C8orf34: variants seen among roughly 807,000 people sequenced by gnomAD.
C8orf34 encodes the protein uncharacterized protein C8orf34.
In C8orf34, 65 loss-of-function variants were observed where a neutral mutation model predicts 68.3. That is an observed-to-expected ratio of 0.95 (90% CI 0.78 to 1.17). C8orf34 has a LOEUF of 1.17. Among genes scored for constraint, C8orf34 ranks in the 50% most tolerant of loss-of-function variants. The pLI is 0.00. For missense variants in C8orf34, 664 were observed against 655.4 expected (o/e 1.01, Z -0.14); for synonymous variants, 244 against 241.2 (o/e 1.01, Z -0.11).
intron 7 of C8orf34, among the ~76,000 whole-genome samples, chr8:68,603,990 T>A (rs1484954594): frequency 6.6e-6 from 1 of 152,162 alleles, no homozygotes; most frequent in Admixed American, 6.6e-5. Context: ...GATTAAGATA[T>A]AATTTATGAG....
chr8:68,361,380 G>A (rs751227403), intron 1 of C8orf34, among the ~76,000 whole-genome samples: 8 of 152,114 alleles, frequency 5.3e-5, no homozygotes, highest in Admixed American at 1.3e-4. Context: ...CTGTAACCTC[G>A]GAGGAGGCAG....
chr8:68,785,229 T>G lies in C8orf34; in HGVS notation c.1456-2214T>G, dbSNP rs560999642. On this transcript the variant is annotated intron_variant, in intron 11 of 13. Transcript: ENST00000518698. The stretch of plus-strand genomic sequence containing the variant: ...AGAAAAAAAAAAGAAAATAAATAAA[T>G]AAAGAAATACATATCAACATTTCTG... Among the ~76,000 whole-genome samples, 130 of 151,860 alleles carry G rather than the reference T, an allele frequency of 8.6e-4. 1 individual carries two copies. In the Middle Eastern group the frequency reaches 0.01, roughly 12 times the overall value.
chr8:68,685,311 G>A (rs1029214138), intron 8 of C8orf34, among the ~76,000 whole-genome samples: 7 of 152,022 alleles, frequency 4.6e-5, no homozygotes, highest in Non-Finnish European at 8.8e-5. Context: ...TTCTCAAAGT[G>A]AAATGATTAA....
intron 4 of C8orf34, among the ~76,000 whole-genome samples, chr8:68,469,984 C>G (rs1266666920): frequency 6.6e-6 from 1 of 151,176 alleles, no homozygotes; most frequent in Admixed American, 6.6e-5. Flanking sequence ...AGTTTTTTCA[C>G]AGCTCTTCAT....
intron 1 of C8orf34, among the ~76,000 whole-genome samples, chr8:68,431,252 G>A (rs1370660870): frequency 3.3e-5 from 5 of 152,074 alleles, no homozygotes; most frequent in African/African-American, 1.2e-4. Context: ...TCATTATTCT[G>A]TCATTCTGAG....
At chr8:68,395,707 G>A (rs1369618346) in intron 1 of C8orf34, among the ~76,000 whole-genome samples, 1 of 152,112 alleles carries the variant, frequency 6.6e-6, no homozygotes, top group East Asian at 1.9e-4. Flanking sequence ...GTAGACAACT[G>A]TTACATTAGA....
chr8:68,688,253 G>A (rs1432616187), intron 8 of C8orf34, among the ~76,000 whole-genome samples: 1 of 152,078 alleles, frequency 6.6e-6, no homozygotes, highest in Non-Finnish European at 1.5e-5. Context: ...TCCCACTACT[G>A]GGTATCTATT....
intron 9 of C8orf34, among the ~76,000 whole-genome samples, chr8:68,720,408 G>A (rs541287192): frequency 5.3e-5 from 8 of 151,862 alleles, no homozygotes; most frequent in Admixed American, 2.6e-4. Flanking sequence ...GGCCATTAAG[G>A]GTTTGAAAGA....
In C8orf34 at chr8:68,613,400, G is replaced by A. The variant is rs187026173; in HGVS notation, c.1106-26976G>A. On this transcript the variant is annotated intron_variant, in intron 7 of 13. Coordinates refer to ENST00000518698, the MANE Select transcript of C8orf34 (RefSeq NM_052958.4). Reference sequence around the variant, plus strand: ...GCTGGTGTGTTGCACCAATTAACTCGTCATTTAGCATTAGGTATATCTCCC... The same window carrying A: ...GCTGGTGTGTTGCACCAATTAACTCATCATTTAGCATTAGGTATATCTCCC... Among the ~76,000 whole-genome samples, 994 of 151,636 alleles carry A rather than the reference G, an allele frequency of 6.6e-3. 8 individuals are homozygous for A. Among genetic ancestry groups the A allele is most frequent in the African/African-American group, 0.02 (830 of 41,236 alleles).
chr8:68,429,582 C>T lies in C8orf34; in HGVS notation c.328-9917C>T, dbSNP rs560116924. Among the ~76,000 whole-genome samples, 15 of 152,304 alleles carry T rather than the reference C, an allele frequency of 9.8e-5. 1 individual carries two copies. In the South Asian group the frequency reaches 2.9e-3, roughly 29 times the overall value. ...GTGCACACAAGACTGATCATAGCAG[C>T]CCTATTCACAATTACCAAGAAATGG... On this transcript the variant is annotated intron_variant, in intron 1 of 13. Coordinates refer to ENST00000518698, the MANE Select transcript of C8orf34 (RefSeq NM_052958.4).
chr8:68,534,399 G>T (rs1388782591), intron 7 of C8orf34: 6 of 900,578 alleles, frequency 6.7e-6, no homozygotes, highest in Non-Finnish European at 6.6e-6. Context: ...ACTTGGCTGG[G>T]GTCTGGGAAC....
intron 2 of C8orf34, among the ~76,000 whole-genome samples, chr8:68,440,626 C>T (rs1397913848): frequency 6.6e-6 from 1 of 152,086 alleles, no homozygotes; most frequent in Non-Finnish European, 1.5e-5. Flanking sequence ...TTGGCCTTAA[C>T]TTTCTTGGGT....
intron 1 of C8orf34, among the ~76,000 whole-genome samples, chr8:68,390,353 C>A (rs574453059): frequency 6.6e-6 from 1 of 151,982 alleles, no homozygotes; most frequent in African/African-American, 2.4e-5. Context: ...TTTAAATTCA[C>A]GAAATCTTTT....
chr8:68,430,179 A>T (rs1053515744), intron 1 of C8orf34, among the ~76,000 whole-genome samples: 9 of 152,094 alleles, frequency 5.9e-5, no homozygotes, highest in Non-Finnish European at 1.0e-4. Context: ...ATTAAAAAAT[A>T]AAAAAATTAA....
intron 10 of C8orf34, among the ~76,000 whole-genome samples, chr8:68,757,352 G>T (rs369296568): frequency 6.6e-6 from 1 of 152,052 alleles, no homozygotes; most frequent in Non-Finnish European, 1.5e-5. Context: ...AATGTTAGCC[G>T]GGCGCAGTGG....
intron 6 of C8orf34, among the ~76,000 whole-genome samples, chr8:68,529,530 C>T (rs1815156827): frequency 6.6e-6 from 1 of 152,206 alleles, no homozygotes; most frequent in South Asian, 2.1e-4. Context: ...ATTTATCCCA[C>T]TCAGTGGGAA....
intron 11 of C8orf34, among the ~76,000 whole-genome samples, chr8:68,783,555 A>G (rs1238469974): frequency 6.6e-6 from 1 of 150,680 alleles, no homozygotes; most frequent in East Asian, 2.0e-4. Context: ...AAGGAAGCAT[A>G]TCTGACGGCC....
chr8:68,637,304 T>C (rs1000319276), intron 7 of C8orf34, among the ~76,000 whole-genome samples: 1 of 152,130 alleles, frequency 6.6e-6, no homozygotes, highest in Non-Finnish European at 1.5e-5. Flanking sequence ...TGGTTGTTTG[T>C]ATAAACAATG....
intron 8 of C8orf34, among the ~76,000 whole-genome samples, chr8:68,704,079 C>T (rs1186738590): frequency 1.3e-5 from 2 of 151,994 alleles, no homozygotes; most frequent in East Asian, 3.9e-4. Flanking sequence ...TTAAAATATA[C>T]CAAGCTCTAT....
Sources: allele counts gnomAD v4.1 joint callset (sites outside exome capture counted in the v4.1 genomes callset), GRCh38; gene constraint gnomAD v4.1.1; transcripts MANE v1.5; gene names NCBI Gene and HGNC (gene_info 2026-07-23, HGNC 2026-07-21).